ERC2: variants seen among roughly 807,000 people sequenced by gnomAD.
ERC2 encodes the protein ELKS/RAB6-interacting/CAST family member 2, also known as ERC protein 2.
ERC2 carries 42 observed loss-of-function variants against 114.8 expected under a neutral mutation model. That is an observed-to-expected ratio of 0.37 (90% CI 0.29 to 0.47). ERC2 has a LOEUF of 0.47. Among genes scored for constraint, ERC2 ranks in the 20% least tolerant of loss-of-function variants. The pLI is 0.99. For synonymous variants in ERC2, 454 were observed against 425.5 expected (o/e 1.07, Z -0.82); for missense variants, 939 against 1,150.7 (o/e 0.82, Z 2.66).
At chr3:56,143,127 G>A (rs1368465406) in intron 5 of ERC2, among the ~76,000 whole-genome samples, 1 of 152,156 alleles carries the variant, frequency 6.6e-6, no homozygotes, top group Non-Finnish European at 1.5e-5. Context: ...GGGGAATATG[G>A]TAAGGTTATT....
At chr3:56,185,500 T>A (rs1320830137) in intron 3 of ERC2, among the ~76,000 whole-genome samples, 2 of 152,208 alleles carry the variant, frequency 1.3e-5, no homozygotes, top group Non-Finnish European at 2.9e-5. Context: ...CAGAGCCTCA[T>A]CCATACATAA....
chr3:56,282,591 C>T (rs1466436691), intron 3 of ERC2, among the ~76,000 whole-genome samples: 3 of 130,600 alleles, frequency 2.3e-5, no homozygotes, highest in Non-Finnish European at 5.4e-5. Context: ...ATGTCAGCAC[C>T]TACATCTCAT....
intron 17 of ERC2, among the ~76,000 whole-genome samples, chr3:55,555,832 G>T (rs1418061940): frequency 6.6e-6 from 1 of 152,180 alleles, no homozygotes; most frequent in Non-Finnish European, 1.5e-5. Flanking sequence ...TCTACCTGTG[G>T]AGTTGCTGAA....
At chr3:55,863,070 A>G (rs1220500630) in intron 14 of ERC2, among the ~76,000 whole-genome samples, 1 of 152,094 alleles carries the variant, frequency 6.6e-6, no homozygotes, top group Non-Finnish European at 1.5e-5. Context: ...ATTCACTTAA[A>G]TTACCTTCTT....
chr3:55,605,147 A>G (rs1360828196), intron 17 of ERC2, among the ~76,000 whole-genome samples: 13 of 151,606 alleles, frequency 8.6e-5, no homozygotes. Context: ...AGACGGTCTC[A>G]CTCTGTCGCC....
intron 12 of ERC2, among the ~76,000 whole-genome samples, chr3:55,956,015 A>C (rs979749814): frequency 6.6e-6 from 1 of 152,238 alleles, no homozygotes; most frequent in Non-Finnish European, 1.5e-5. Context: ...ATGAGTTAGT[A>C]CTGGTAAAAT....
chr3:55,887,160 T>C (rs775269310), intron 14 of ERC2, among the ~76,000 whole-genome samples: 3 of 152,140 alleles, frequency 2.0e-5, no homozygotes, highest in Non-Finnish European at 4.4e-5. Flanking sequence ...AAATTATGAA[T>C]CTCTCTGAGT....
At chr3:55,747,947 C>T (rs2066415142) in intron 14 of ERC2, among the ~76,000 whole-genome samples, 1 of 152,218 alleles carries the variant, frequency 6.6e-6, no homozygotes, top group Non-Finnish European at 1.5e-5. Context: ...TTTCTGGACT[C>T]ATGAATACAA....
rs562259330 is a variant in ERC2, at chr3:56,414,492, G to A, written c.657+19859C>T. 1.8e-3 allele frequency among the ~76,000 whole-genome samples: 270 copies of A among 152,204 alleles called. 1 individual carries two copies. The highest frequency in any genetic ancestry group is 6.1e-3 in the African/African-American group (253 of 41,530). On this transcript the variant is annotated intron_variant, in intron 2 of 17. Transcript: ENST00000288221. Reference sequence around the variant, plus strand: ...AATCCCCGCACTTTGGGAGGCCGAGGTAGGTGGATCACGAGGTCAGGAGAT... The same window carrying A: ...AATCCCCGCACTTTGGGAGGCCGAGATAGGTGGATCACGAGGTCAGGAGAT...
intron 2 of ERC2, among the ~76,000 whole-genome samples, chr3:56,388,399 C>T (rs1457722908): frequency 6.6e-6 from 1 of 152,178 alleles, no homozygotes; most frequent in Non-Finnish European, 1.5e-5. Flanking sequence ...GCTGGCTCCC[C>T]TTCACTTTCA....
intron 3 of ERC2, among the ~76,000 whole-genome samples, chr3:56,271,731 AG>A (rs1339972006): frequency 6.6e-6 from 1 of 152,150 alleles, no homozygotes; most frequent in African/African-American, 2.4e-5. Flanking sequence ...AGTACCCAAT[AG>A]GTAGTTTTTT....
chr3:56,002,641 A>G (rs1412763220), intron 10 of ERC2, among the ~76,000 whole-genome samples: 1 of 152,166 alleles, frequency 6.6e-6, no homozygotes, highest in African/African-American at 2.4e-5. Flanking sequence ...ATCCACAGTA[A>G]TGTCAAGTAT....
intron 15 of ERC2, among the ~76,000 whole-genome samples, chr3:55,707,004 G>C (rs893234458): frequency 6.6e-6 from 1 of 152,216 alleles, no homozygotes; most frequent in African/African-American, 2.4e-5. Context: ...GCAAGAGAGG[G>C]AAGAATGTCT....
intron 13 of ERC2, among the ~76,000 whole-genome samples, chr3:55,942,737 C>T (rs2066892160): frequency 6.6e-6 from 1 of 152,168 alleles, no homozygotes; most frequent in African/African-American, 2.4e-5. Context: ...AAGTTACCAA[C>T]TTCCCAAATG....
At position 55,675,219 on chromosome 3, in the gene ERC2, T is replaced by C. The variant is rs776572237; in HGVS notation, c.*39+8575A>G. Among the ~76,000 whole-genome samples the C allele has an allele frequency of 3.1e-4, 47 of 152,224 alleles. 1 individual carries two copies. Among genetic ancestry groups the C allele is most frequent in the Admixed American group, 8.5e-4 (13 of 15,288 alleles). On this transcript the variant is annotated intron_variant, in intron 17 of 17. Coordinates refer to ENST00000288221, the MANE Select transcript of ERC2 (RefSeq NM_015576.3). ...CCAGAAAACAAAGCTAGAGGACATG[T>C]ATATTCCCAGAATACATTCCCATCT...
At chr3:55,779,743 C>G (rs2068891795) in intron 14 of ERC2, among the ~76,000 whole-genome samples, 1 of 152,160 alleles carries the variant, frequency 6.6e-6, no homozygotes, top group African/African-American at 2.4e-5. Context: ...ATTCCATAAT[C>G]TAACACATTA....
chr3:55,980,435 C>T (rs1421533861), intron 12 of ERC2, among the ~76,000 whole-genome samples: 1 of 152,146 alleles, frequency 6.6e-6, no homozygotes, highest in Non-Finnish European at 1.5e-5. Context: ...AGCACCTTCA[C>T]CCAATATGGA....
chr3:56,380,243 G>A lies in ERC2; in HGVS notation c.657+54108C>T, dbSNP rs1351784686. On this transcript the variant is annotated intron_variant, in intron 2 of 17. Transcript: ENST00000288221. ...TTGCTTTATAGATCAGAAAACTGAAGGTGTGGTTGGGCAGCTGACCTGAGG... is the reference window on the plus strand; with the variant it reads ...TTGCTTTATAGATCAGAAAACTGAAAGTGTGGTTGGGCAGCTGACCTGAGG... Among the ~76,000 whole-genome samples, 6 of 152,228 alleles carry A rather than the reference G, an allele frequency of 3.9e-5. No homozygotes were observed. In the South Asian group the frequency reaches 1.2e-3, roughly 32 times the overall value.
At chr3:56,425,629 G>GC (rs2061543475) in intron 2 of ERC2, among the ~76,000 whole-genome samples, 1 of 130,528 alleles carries the variant, frequency 7.7e-6, no homozygotes, top group Non-Finnish European at 1.6e-5. Context: ...TTGGAGTCTT[G>GC]CCCAAATTAA....
Sources: allele counts gnomAD v4.1 joint callset (sites outside exome capture counted in the v4.1 genomes callset), GRCh38; gene constraint gnomAD v4.1.1; transcripts MANE v1.5; gene names NCBI Gene and HGNC (gene_info 2026-07-23, HGNC 2026-07-21).